The following STARD13 variants were observed in gnomAD, a reference collection of about 807,000 sequenced individuals.
STARD13 encodes the protein stAR-related lipid transfer protein 13.
Under a neutral mutation model 106.4 loss-of-function variants are expected in STARD13, and 62 were observed. The ratio of observed to expected loss-of-function variants is 0.58; its 90% CI spans 0.48 to 0.72. STARD13 has a LOEUF of 0.72. Ranked by LOEUF, STARD13 falls within the 30% of genes least tolerant of loss-of-function variation. STARD13 has a pLI of 0.00. For missense variants in STARD13, 1,387 were observed against 1,424.0 expected, an observed-to-expected ratio of 0.97 and a Z score of 0.42; for synonymous variants, 565 against 553.0, an observed-to-expected ratio of 1.02 and a Z score of -0.31.
At chr13:33,400,192 T>C in the STARD13 span, among the ~76,000 whole-genome samples, 1 of 152,172 alleles carries the variant, frequency 6.6e-6, no homozygotes. Context: ...AGTTCAACTA[T>C]TATGGGTTCC....
chr13:33,309,369 G>A (rs774174670), intron 1 of STARD13, among the ~76,000 whole-genome samples: 1 of 152,140 alleles, frequency 6.6e-6, no homozygotes, highest in Non-Finnish European at 1.5e-5. Flanking sequence ...GGAAGTCAAA[G>A]CCTTCACAAT....
chr13:33,221,632 C>T (rs930097159), intron 1 of STARD13, among the ~76,000 whole-genome samples: 6 of 152,162 alleles, frequency 3.9e-5, no homozygotes, highest in African/African-American at 1.4e-4. Flanking sequence ...TTCCTCCATG[C>T]AGGACTGGCT....
the STARD13 span, among the ~76,000 whole-genome samples, chr13:33,529,084 TCTAA>T: frequency 6.6e-6 from 1 of 152,186 alleles, no homozygotes; most frequent in Non-Finnish European, 1.5e-5. Flanking sequence ...AAGCCAGAGA[TCTAA>T]CTGTGTTATA....
At chr13:33,157,255 C>T (rs537703903) in intron 3 of STARD13, among the ~76,000 whole-genome samples, 7 of 152,170 alleles carry the variant, frequency 4.6e-5, no homozygotes, top group African/African-American at 9.6e-5. Context: ...TAATCCTAAC[C>T]GATTCCTTAG....
chr13:33,240,219 C>A (rs187670161), intron 1 of STARD13, among the ~76,000 whole-genome samples: 2 of 152,136 alleles, frequency 1.3e-5, no homozygotes, highest in Non-Finnish European at 2.9e-5. Flanking sequence ...TTCCTTGGCT[C>A]TCTATTCTGT....
chr13:33,369,187 A>G, the STARD13 span, among the ~76,000 whole-genome samples: 2 of 151,920 alleles, frequency 1.3e-5, no homozygotes, highest in African/African-American at 4.8e-5. Flanking sequence ...TTCATCAGGC[A>G]TCCTAGACCA....
At chr13:33,646,561 G>C in the STARD13 span, among the ~76,000 whole-genome samples, 4 of 152,132 alleles carry the variant, frequency 2.6e-5, no homozygotes, top group African/African-American at 9.7e-5. Context: ...GTGTCTCTGG[G>C]GATAAAGTTG....
chr13:33,358,185 C>T, the STARD13 span, among the ~76,000 whole-genome samples: 4 of 152,294 alleles, frequency 2.6e-5, no homozygotes, highest in East Asian at 1.9e-4. Flanking sequence ...GTGCTGCGCT[C>T]GATTTCTCGC....
the STARD13 span, among the ~76,000 whole-genome samples, chr13:33,490,819 C>G: frequency 7.2e-5 from 11 of 152,236 alleles, no homozygotes; most frequent in Non-Finnish European, 1.5e-4. Flanking sequence ...GATTAACACT[C>G]AAGCCGTCTG....
At chr13:33,206,858 A>G (rs1026682074) in intron 1 of STARD13, among the ~76,000 whole-genome samples, 1 of 152,194 alleles carries the variant, frequency 6.6e-6, no homozygotes, top group African/African-American at 2.4e-5. Context: ...AACTAAGGCT[A>G]TATGTTGGAA....
At chr13:33,374,441 G>A in the STARD13 span, among the ~76,000 whole-genome samples, 3 of 152,054 alleles carry the variant, frequency 2.0e-5, no homozygotes, top group African/African-American at 2.4e-5. Flanking sequence ...TTTATGTTAC[G>A]TATATTTTAT....
intron 1 of STARD13, among the ~76,000 whole-genome samples, chr13:33,168,762 T>G (rs1430322661): frequency 6.6e-6 from 1 of 152,216 alleles, no homozygotes; most frequent in Non-Finnish European, 1.5e-5. Context: ...CGATTGTACC[T>G]CAACATTGAA....
Position 33,118,049 on chromosome 13 carries a change from C to A in STARD13, c.2281+16G>T. ...AGGATGCCCACGAGAACACCAATCT[C>A]ATTATTTCCACTTACACTGATAGAT... On this transcript the variant is annotated intron_variant, in intron 8 of 13. Coordinates refer to ENST00000336934, the MANE Select transcript of STARD13 (RefSeq NM_178006.4). The A allele has an allele frequency of 6.2e-7, 1 of 1,613,564 alleles. No individual in the cohort carries two copies. The highest frequency in any genetic ancestry group is 8.5e-7 in the Non-Finnish European group (1 of 1,179,546).
At chr13:33,667,993 C>T in the STARD13 span, among the ~76,000 whole-genome samples, 2 of 152,242 alleles carry the variant, frequency 1.3e-5, no homozygotes, top group Non-Finnish European at 2.9e-5. Context: ...TAAGGAGACA[C>T]TGAGCTATAA....
the STARD13 span, among the ~76,000 whole-genome samples, chr13:33,517,755 T>C: frequency 1.3e-5 from 2 of 152,174 alleles, no homozygotes; most frequent in Non-Finnish European, 2.9e-5. Flanking sequence ...GGACATACTC[T>C]TGCAATTGTG....
At chr13:33,660,789 G>T in the STARD13 span, among the ~76,000 whole-genome samples, 1 of 152,154 alleles carries the variant, frequency 6.6e-6, no homozygotes, top group Non-Finnish European at 1.5e-5. Context: ...TCACTATGTT[G>T]CACAGGCTGG....
At chr13:33,376,029 A>G in the STARD13 span, among the ~76,000 whole-genome samples, 1 of 152,110 alleles carries the variant, frequency 6.6e-6, no homozygotes, top group African/African-American at 2.4e-5. Context: ...TACTTAAGTA[A>G]TAGAAAAGAA....
At chr13:33,619,239 C>T in the STARD13 span, among the ~76,000 whole-genome samples, 25 of 152,082 alleles carry the variant, frequency 1.6e-4, no homozygotes, top group Admixed American at 1.0e-3. Flanking sequence ...AGAACCAAAC[C>T]GAGCTTGACA....
chr13:33,361,691 C>G, the STARD13 span, among the ~76,000 whole-genome samples: 55 of 152,250 alleles, frequency 3.6e-4, no homozygotes, highest in Middle Eastern at 3.4e-3. Context: ...GCACATCTTA[C>G]CATGGTGGAG....
Sources: allele counts gnomAD v4.1 joint callset (sites outside exome capture counted in the v4.1 genomes callset), GRCh38; gene constraint gnomAD v4.1.1; transcripts MANE v1.5; gene names NCBI Gene and HGNC (gene_info 2026-07-23, HGNC 2026-07-21).